The following ITGA7 variants were observed in gnomAD, a reference collection of about 807,000 sequenced individuals.
ITGA7 encodes the protein integrin subunit alpha 7.
ITGA7 carries 84 observed loss-of-function variants against 131.6 expected under a neutral mutation model. The ratio of observed to expected loss-of-function variants is 0.64; its 90% CI spans 0.54 to 0.77. ITGA7 has a LOEUF of 0.77. ITGA7 is among the 30% of genes least tolerant of loss of function. ITGA7 has a pLI of 0.00. For missense variants in ITGA7, 1,399 were observed against 1,482.9 expected (o/e 0.94, Z 0.93); for synonymous variants, 548 against 600.7 (o/e 0.91, Z 1.28).
chr12:55,696,258 G>C, intron 13 of ITGA7, 25 bp downstream of exon 13: 3 of 1,554,468 alleles, frequency 1.9e-6, no homozygotes, highest in Non-Finnish European at 2.6e-6. Flanking sequence ...TCCTCCCCCT[G>C]GGCTAAACCA....
In ITGA7 at chr12:55,694,325, C is replaced by A. The variant is rs956532606; in HGVS notation, c.2363G>T (p.Ser788Ile). 6.2e-7 allele frequency: 1 copy of A among 1,613,880 alleles called. No homozygotes were observed. Among genetic ancestry groups the A allele is most frequent in the Non-Finnish European group, 8.5e-7 (1 of 1,180,038 alleles). Reference sequence around the variant, plus strand: ...AGAGACTGGATGCAGCTCCTGCTCACTGATCCTGGTGAGTGGGCAGGGGCA... The same window carrying A: ...AGAGACTGGATGCAGCTCCTGCTCAATGATCCTGGTGAGTGGGCAGGGGCA... ...LEVELLLATI[S>I]EQELHPVSAR... The change falls in exon 18 of 25, where the codon AGT (serine) becomes ATT (isoleucine). Residue 788 changes from serine to isoleucine, a missense_variant. Transcript: ENST00000257879. This position sits in a 1 kb window ranked among gnomAD's most constrained non-coding sequence, Gnocchi z 5.3.
chr12:55,705,061 G>A (rs1193294687), intron 1 of ITGA7, among the ~76,000 whole-genome samples: 7 of 152,180 alleles, frequency 4.6e-5, no homozygotes, highest in Non-Finnish European at 7.3e-5. Context: ...GTCACAGCTG[G>A]TCAGTGCATA....
In ITGA7 at chr12:55,688,239, G is replaced by A; in HGVS notation, c.3020C>T (p.Ser1007Phe). 3 of 1,614,100 alleles carry A rather than the reference G, an allele frequency of 1.9e-6. No homozygotes were observed. Among genetic ancestry groups the A allele is most frequent in the Non-Finnish European group, 2.5e-6 (3 of 1,180,002 alleles). Residue 1007 changes from serine (S) to phenylalanine (F), a missense_variant, in exon 23 of 25, where the codon TCC (serine) becomes TTC (phenylalanine). Ser to Phe is a radical substitution (Grantham distance 155). Coordinates refer to ENST00000257879, the MANE Select transcript of ITGA7 (RefSeq NM_002206.3). ...IVRANITVKS[S>F]IKNLMLRDAS... ...ATCTCGGAGCATCAAGTTCTTTATG[G>A]AGGACTTCACTGTGATGTTGGCCCG...
At chr12:55,699,823 G>A (rs1252752913) in intron 5 of ITGA7, 47 bp downstream of exon 5, 1 of 1,573,772 alleles carries the variant, frequency 6.4e-7, no homozygotes, top group East Asian at 2.3e-5. Context: ...GGAAGGAGGG[G>A]AGGCTGGGCC....
intron 4 of ITGA7, 64 bp downstream of exon 4, chr12:55,700,835 A>T (rs1490118718): frequency 6.2e-7 from 1 of 1,608,466 alleles, no homozygotes; most frequent in Non-Finnish European, 8.5e-7. Flanking sequence ...TGCCATCCCC[A>T]ACCCTGTCTC....
upstream of ITGA7, chr12:55,708,016 C>G: frequency 8.3e-7 from 1 of 1,200,622 alleles, no homozygotes; most frequent in Non-Finnish European, 1.0e-6. Context: ...GATGCCCAGG[C>G]TGGTGGCTGG....
At chr12:55,700,044 G>A in intron 4 of ITGA7, 55 bp from the exon 5 acceptor site, 13 of 1,599,350 alleles carry the variant, frequency 8.1e-6, no homozygotes, top group Non-Finnish European at 1.1e-5. Flanking sequence ...AGGGGCCACA[G>A]AGTAGGGAGA....
At chr12:55,710,509 G>T (rs145016525), upstream of ITGA7, among the ~76,000 whole-genome samples, 3,239 of 152,024 alleles carry the variant, frequency 0.021, 112 homozygotes, top group African/African-American at 0.074. Context: ...GGGCACAGTG[G>T]CTCATGCCTG....
At chr12:55,712,307 G>T (rs1454589192), upstream of ITGA7, 2 of 1,441,116 alleles carry the variant, frequency 1.4e-6, no homozygotes, top group South Asian at 1.2e-5. Context: ...TTGAGCACTG[G>T]CTTCAGGCCA....
rs1358355687 is a variant in ITGA7 at position 55,684,659 on chromosome 12, A to C, written c.*399T>G. 4.7e-6 allele frequency: 1 copy of C among 212,248 alleles called. No homozygotes were observed. Among genetic ancestry groups the C allele is most frequent in the African/African-American group, 2.3e-5 (1 of 43,568 alleles). The allele number at this position is 212,248 out of a possible 1,614,324, so 13.1% of individuals were successfully genotyped here. On this transcript the variant is annotated 3_prime_UTR_variant, in exon 25 of 25. Coordinates refer to ENST00000257879, the MANE Select transcript of ITGA7 (RefSeq NM_002206.3). ...CTAAGGTCAGATGAGAGGGGAAACT[A>C]GAGAAGGAGCAGCCTGAGTCAGTGA...
At chr12:55,693,071 T>G in intron 20 of ITGA7, 70 bp downstream of exon 20, 4 of 1,610,504 alleles carry the variant, frequency 2.5e-6, no homozygotes, top group Non-Finnish European at 2.5e-6. Flanking sequence ...GCCCCATCAC[T>G]GCACTCACTA....
chr12:55,698,998 C>A (rs1873337112), intron 5 of ITGA7, 81 bp from the exon 6 acceptor site: 11 of 1,320,078 alleles, frequency 8.3e-6, no homozygotes, highest in Non-Finnish European at 1.2e-5. Flanking sequence ...CCAGCCCCTG[C>A]CCCCTCCCTA....
Position 55,696,531 on chromosome 12 carries a change from A to C in ITGA7, c.1738-99T>G, listed in dbSNP as rs868152237. The stretch of plus-strand genomic sequence containing the variant: ...CTAGGACCAATTCTAAAACTTGGAA[A>C]GAATATTAGGGAGATGAATGAGAGA... On this transcript the variant is annotated intron_variant, in intron 12 of 24. Transcript: ENST00000257879. 34 of 1,331,826 alleles carry C rather than the reference A, an allele frequency of 2.6e-5. No homozygotes were observed. The Middle Eastern group carries it at 1.1e-3, about 43-fold the overall frequency. 82.5% of individuals were successfully genotyped at this position (1,331,826 alleles called of 1,614,324 possible).
At chr12:55,691,084 C>T (rs1374958366) in intron 21 of ITGA7, among the ~76,000 whole-genome samples, 4 of 150,968 alleles carry the variant, frequency 2.6e-5, no homozygotes, top group Non-Finnish European at 2.9e-5. Context: ...CTAACCTGCA[C>T]ATTGTGCACA....
chr12:55,700,326 G>A (rs769209932), intron 4 of ITGA7: 36 of 1,610,376 alleles, frequency 2.2e-5, no homozygotes, highest in East Asian at 1.1e-4. Flanking sequence ...CCCCCGCCTC[G>A]TAGGGACCGT....
chr12:55,699,458 G>A, intron 5 of ITGA7: 3 of 286,382 alleles, frequency 1.0e-5, no homozygotes, highest in South Asian at 7.5e-5. Context: ...TCCCAGGCCT[G>A]GTTTCCTCCT....
intron 3 of ITGA7, among the ~76,000 whole-genome samples, chr12:55,702,264 C>A (rs1874210311): frequency 6.6e-6 from 1 of 151,918 alleles, no homozygotes; most frequent in Non-Finnish European, 1.5e-5. Flanking sequence ...ACTGCAAGCT[C>A]CGCCTCTCCG....
At chr12:55,707,423 G>A in intron 1 of ITGA7, 54 bp downstream of exon 1, 2 of 1,420,100 alleles carry the variant, frequency 1.4e-6, no homozygotes. Flanking sequence ...AGAGTGGGGA[G>A]GGGGACGATC....
chr12:55,707,572 G>A lies in ITGA7; in HGVS notation c.111C>T (p.Asp37=), dbSNP rs1555166186. ...LFSRAVAFNL[D]VMGALRKEGE... is the part of the protein sequence containing the mutation. Reference sequence around the variant, plus strand: ...CCTCCTTGCGCAAGGCACCCATCACGTCCAGATTGAAGGCGACAGCCCGTG... The same window carrying A: ...CCTCCTTGCGCAAGGCACCCATCACATCCAGATTGAAGGCGACAGCCCGTG... Residue 37 remains aspartate, a synonymous_variant, in exon 1 of 25, where the codon GAC becomes GAT. Transcript: ENST00000257879. The A allele has an allele frequency of 1.9e-6, 3 of 1,613,940 alleles. No homozygotes were observed. The highest frequency in any genetic ancestry group is 1.6e-4 in the Middle Eastern group (1 of 6,062).
Sources: gnomAD v4.1 joint callset for allele counts (sites outside exome capture counted in the v4.1 genomes callset) on GRCh38, gnomAD v4.1.1 for gene constraint, Gnocchi (gnomAD v3.1) non-coding constraint, MANE v1.5 for transcripts, NCBI Gene and HGNC (gene_info 2026-07-23, HGNC 2026-07-21) for gene names.